The following LMNB1 variants were observed in gnomAD, a reference collection of about 807,000 sequenced individuals.
The protein encoded by LMNB1 is lamin-B1.
LMNB1 carries 23 observed loss-of-function variants against 67.1 expected under a neutral mutation model. That is an observed-to-expected ratio of 0.34 (90% CI 0.25 to 0.49). The LOEUF is 0.49. Among genes scored for constraint, LMNB1 ranks in the 20% least tolerant of loss-of-function variants. LMNB1 has a pLI of 0.99. For missense variants in LMNB1, 634 were observed against 746.5 expected, an observed-to-expected ratio of 0.85 and a Z score of 1.76; for synonymous variants, 281 against 282.9, an observed-to-expected ratio of 0.99 and a Z score of 0.07.
intron 5 of LMNB1, among the ~76,000 whole-genome samples, chr5:126,815,604 T>C (rs748741103): frequency 4.6e-5 from 7 of 152,104 alleles, no homozygotes; most frequent in Non-Finnish European, 1.0e-4. Context: ...AGTCATAAAA[T>C]TTAGGGTTAG....
At chr5:126,797,920 C>T (rs1426158888) in intron 1 of LMNB1, among the ~76,000 whole-genome samples, 1 of 151,998 alleles carries the variant, frequency 6.6e-6, no homozygotes, top group East Asian at 1.9e-4. Context: ...CCCATCTGCC[C>T]CAGCAAAATA....
chr5:126,822,103 C>T (rs57812062), intron 7 of LMNB1, among the ~76,000 whole-genome samples: 30,707 of 150,170 alleles, frequency 0.2, 3,268 homozygotes, highest in East Asian at 0.31. Flanking sequence ...TCAAGAGATT[C>T]TCCTGCCTCA....
chr5:126,827,301 G>A (rs1174102668), intron 9 of LMNB1, among the ~76,000 whole-genome samples: 3 of 152,200 alleles, frequency 2.0e-5, no homozygotes, highest in Non-Finnish European at 1.5e-5. Flanking sequence ...AGCCCACATT[G>A]TAAAGAGAGT....
chr5:126,824,836 T>A (rs542788958), intron 8 of LMNB1, among the ~76,000 whole-genome samples: 2 of 146,302 alleles, frequency 1.4e-5, no homozygotes, highest in East Asian at 4.1e-4. Context: ...TTTTCCTGTT[T>A]CCACCCCACC....
intron 9 of LMNB1, among the ~76,000 whole-genome samples, chr5:126,828,019 G>T (rs77004322): frequency 0.027 from 4,176 of 152,230 alleles, 75 homozygotes; most frequent in Middle Eastern, 0.11. Flanking sequence ...CAGGAATTCA[G>T]GAAGCATTTA....
intron 1 of LMNB1, among the ~76,000 whole-genome samples, chr5:126,782,074 C>A (rs566810981): frequency 6.4e-4 from 98 of 152,306 alleles, no homozygotes; most frequent in African/African-American, 2.2e-3. Flanking sequence ...TGAATGCCAT[C>A]ACTCAACACT....
rs1377987648 is a variant in LMNB1, at chr5:126,777,431, C to T, written c.-78C>T. On this transcript the variant is annotated 5_prime_UTR_variant, in exon 1 of 11. Transcript: ENST00000261366. ...GGTCGCCGGTTTGTGCCTTCGGTCC[C>T]CGCTTCGCCCCCTGCCGTCCCCTCC... 2.4e-6 allele frequency: 3 copies of T among 1,254,530 alleles called. No homozygotes were observed. Among genetic ancestry groups the T allele is most frequent in the Non-Finnish European group, 1.0e-6 (1 of 1,002,242 alleles). The allele number at this position is 1,254,530 out of a possible 1,614,324, so 77.7% of individuals were successfully genotyped here.
At chr5:126,805,999 G>A (rs568380888) in intron 3 of LMNB1, among the ~76,000 whole-genome samples, 1 of 152,288 alleles carries the variant, frequency 6.6e-6, no homozygotes, top group African/African-American at 2.4e-5. Flanking sequence ...TCTGCCGCCA[G>A]GCTGGAGTAC....
intron 9 of LMNB1, among the ~76,000 whole-genome samples, chr5:126,830,987 T>G (rs1011288878): frequency 2.0e-5 from 3 of 152,218 alleles, no homozygotes; most frequent in Non-Finnish European, 2.9e-5. Flanking sequence ...TTCACAGAAT[T>G]GAAGTTACTG....
chr5:126,780,702 C>T (rs1750613334), intron 1 of LMNB1, among the ~76,000 whole-genome samples: 1 of 152,170 alleles, frequency 6.6e-6, no homozygotes, highest in African/African-American at 2.4e-5. Flanking sequence ...GTCTGTGCTA[C>T]TGTATGTATA....
intron 10 of LMNB1, among the ~76,000 whole-genome samples, chr5:126,834,742 G>T (rs1752211828): frequency 6.6e-6 from 1 of 152,170 alleles, no homozygotes. Flanking sequence ...CGGGCGTGGT[G>T]GCGGGAGCCT....
chr5:126,822,434 A>T (rs1287524594), intron 7 of LMNB1, among the ~76,000 whole-genome samples: 2 of 152,224 alleles, frequency 1.3e-5, no homozygotes, highest in Non-Finnish European at 2.9e-5. Flanking sequence ...AAGTAATCCA[A>T]TACTTGATGT....
chr5:126,781,722 C>T (rs1175043544), intron 1 of LMNB1, among the ~76,000 whole-genome samples: 2 of 152,184 alleles, frequency 1.3e-5, no homozygotes, highest in East Asian at 3.8e-4. Context: ...AGGCGTGAGC[C>T]ACCATGCCTG....
chr5:126,795,146 A>T (rs145423607), intron 1 of LMNB1, among the ~76,000 whole-genome samples: 23 of 22,758 alleles, frequency 1.0e-3, no homozygotes, highest in Non-Finnish European at 2.3e-3. Context: ...TTTTTTTTTT[A>T]AATAAGGATC....
At position 126,800,982 on chromosome 5, in the gene LMNB1, A is replaced by AAATTTTTT. The variant is rs1332039988; in HGVS notation, c.360-3794_360-3793insAATTTTTT. ...ATATATATATATATATATATATATAATTTTTTTTTTTTTTTTTTGGTGGTA... is the reference window on the plus strand; with the variant it reads ...ATATATATATATATATATATATATAAAATTTTTTTTTTTTTTTTTTTTTTTTGGTGGTA... On this transcript the variant is annotated intron_variant, in intron 1 of 10. Transcript: ENST00000261366. Among the ~76,000 whole-genome samples, 25 of 18,640 alleles carry AAATTTTTT rather than the reference A, an allele frequency of 1.3e-3. 1 individual carries two copies. The highest frequency in any genetic ancestry group is 3.9e-3 in the African/African-American group (23 of 5,930). 12.2% of individuals were successfully genotyped at this position (18,640 alleles called of 152,430 possible). A position where few individuals can be genotyped will look rare whatever the true frequency, so the allele number is the denominator to read the frequency against.
At chr5:126,831,269 A>G (rs529135379) in intron 9 of LMNB1, among the ~76,000 whole-genome samples, 1 of 152,088 alleles carries the variant, frequency 6.6e-6, no homozygotes, top group South Asian at 2.1e-4. Flanking sequence ...AGGACAGGGT[A>G]CAGAATAAAA....
chr5:126,825,639 T>A (rs952605766), intron 8 of LMNB1, among the ~76,000 whole-genome samples: 2 of 152,222 alleles, frequency 1.3e-5, no homozygotes, highest in Non-Finnish European at 2.9e-5. Flanking sequence ...TCACTTGCTC[T>A]TTTCAATAAT....
intron 1 of LMNB1, among the ~76,000 whole-genome samples, chr5:126,802,653 C>T (rs1468388918): frequency 6.6e-6 from 1 of 151,580 alleles, no homozygotes; most frequent in Middle Eastern, 3.4e-3. Context: ...TTTGGCCAGG[C>T]TTGCCTCAAA....
Position 126,811,848 on chromosome 5 carries a change from C to T in LMNB1, c.889C>T (p.Arg297Cys), listed in dbSNP as rs748056618. ...NSAREELMES[R>C]MRIESLSSQL... ...TGCCAGGGAAGAACTGATGGAAAGC[C>T]GCATGAGAATTGAGAGCCTTTCATC... Residue 297 changes from arginine (R) to cysteine (C), a missense_variant, in exon 5 of 11, where the codon CGC (arginine) becomes TGC (cysteine). By Grantham distance (180) the Arg-to-Cys change is radical. Transcript: ENST00000261366. 16 of 1,612,294 alleles carry T rather than the reference C, an allele frequency of 9.9e-6. No homozygotes were observed. Among genetic ancestry groups the T allele is most frequent in the Non-Finnish European group, 1.1e-5 (13 of 1,178,606 alleles).
Sources: gnomAD v4.1 joint callset for allele counts (sites outside exome capture counted in the v4.1 genomes callset) on GRCh38, gnomAD v4.1.1 for gene constraint, MANE v1.5 for transcripts, NCBI Gene and HGNC (gene_info 2026-07-23, HGNC 2026-07-21) for gene names.